Variants in HMCN1 observed in about 807,000 individuals in gnomAD.
The protein encoded by HMCN1 is hemicentin 1, also known as hemicentin-1.
HMCN1 carries 321 observed loss-of-function variants against 625.9 expected under a neutral mutation model. The observed-to-expected ratio is 0.51, with a 90% CI of 0.47 to 0.56. The LOEUF (loss-of-function observed/expected upper bound fraction) is 0.56, where lower values mean the gene tolerates loss of function less well. Ranked by LOEUF, HMCN1 falls within the 20% of genes least tolerant of loss-of-function variation. The pLI is 0.00. For synonymous variants in HMCN1, 2,425 were observed against 2,417.6 expected, an observed-to-expected ratio of 1.00 and a Z score of -0.09; for missense variants, 6,588 against 6,887.3, an observed-to-expected ratio of 0.96 and a Z score of 1.54.
rs776072646 is a variant in HMCN1, at chr1:186,117,595, G to T, written c.11820G>T (p.Arg3940Ser). The change falls in exon 77 of 107, where the codon AGG becomes AGT. Residue 3940 changes from arginine to serine, a missense_variant. By Grantham distance (110) the Arg-to-Ser change is moderately radical. This residue lies in a region of HMCN1 where 4,628 missense variants were observed against 4,853.1 expected (regional missense o/e 0.95). Coordinates refer to ENST00000271588, the MANE Select transcript of HMCN1 (RefSeq NM_031935.3). ...AAAATGGTATAAGACTGCTTCCCAG[G>T]GGAGATGGCTATAGAATTCTGTCCT... is the stretch of plus-strand genomic sequence containing the variant. The part of the protein sequence containing the change: ...WTKNGIRLLP[R>S]GDGYRILSSG... The T allele has an allele frequency of 1.2e-6, 2 of 1,613,658 alleles. No homozygotes were observed. Among genetic ancestry groups the T allele is most frequent in the Non-Finnish European group, 1.7e-6 (2 of 1,179,808 alleles).
At chr1:185,784,069 C>A (rs535553886) in intron 1 of HMCN1, among the ~76,000 whole-genome samples, 2 of 152,208 alleles carry the variant, frequency 1.3e-5, no homozygotes, top group Non-Finnish European at 2.9e-5. Context: ...CCCCTCCCCC[C>A]GCCTCGCTGC....
Position 185,988,616 on chromosome 1 carries a change from T to G in HMCN1, c.3049-872T>G, listed in dbSNP as rs1652167050. 1.3e-5 allele frequency among the ~76,000 whole-genome samples: 2 copies of G among 152,192 alleles called. 1 individual carries two copies. Among genetic ancestry groups the G allele is most frequent in the Admixed American group, 1.3e-4 (2 of 15,280 alleles). Reference sequence around the variant, plus strand: ...GCACTGAGTAGAAGTTTAATGCATTTTAAGGAAAATGTAAAAGTGAAATAT... The same window carrying G: ...GCACTGAGTAGAAGTTTAATGCATTGTAAGGAAAATGTAAAAGTGAAATAT... On this transcript the variant is annotated intron_variant, in intron 20 of 106. Coordinates refer to ENST00000271588, the MANE Select transcript of HMCN1 (RefSeq NM_031935.3).
intron 106 of HMCN1, among the ~76,000 whole-genome samples, chr1:186,188,517 T>C (rs1006055830): frequency 3.3e-5 from 5 of 152,214 alleles, no homozygotes; most frequent in African/African-American, 1.2e-4. Flanking sequence ...GAAACAGGCT[T>C]TTCTGCATTC....
chr1:185,824,739 G>C (rs115280935), intron 1 of HMCN1, among the ~76,000 whole-genome samples: 550 of 152,170 alleles, frequency 3.6e-3, no homozygotes, highest in African/African-American at 0.012. Context: ...AAGAAACTGA[G>C]GTTCAGAGAG....
chr1:185,838,647 C>T (rs1398655592), intron 1 of HMCN1, among the ~76,000 whole-genome samples: 1 of 151,882 alleles, frequency 6.6e-6, no homozygotes, highest in Non-Finnish European at 1.5e-5. Flanking sequence ...AAACACAAAT[C>T]CAAAAGAAAA....
intron 68 of HMCN1, among the ~76,000 whole-genome samples, chr1:186,097,815 A>T (rs928333818): frequency 2.6e-5 from 4 of 152,182 alleles, no homozygotes; most frequent in Non-Finnish European, 5.9e-5. Context: ...ACAAAGCTGT[A>T]TTAATCAAAA....
chr1:185,812,693 T>A (rs1390806190), intron 1 of HMCN1, among the ~76,000 whole-genome samples: 1 of 152,146 alleles, frequency 6.6e-6, no homozygotes, highest in Non-Finnish European at 1.5e-5. Context: ...TGAGAGAAAG[T>A]ATTAAAAATG....
At chr1:186,144,844 T>G in intron 91 of HMCN1, 141 bp downstream of exon 91, 2 of 986,718 alleles carry the variant, frequency 2.0e-6, no homozygotes, top group Non-Finnish European at 3.1e-6. Flanking sequence ...GTTGCTGTCA[T>G]GTCTGTATAA....
chr1:185,904,674 T>C (rs1665997807), intron 4 of HMCN1, among the ~76,000 whole-genome samples: 1 of 151,894 alleles, frequency 6.6e-6, no homozygotes, highest in South Asian at 2.1e-4. Context: ...GTATATCTTA[T>C]GAACTTTGGC....
intron 1 of HMCN1, among the ~76,000 whole-genome samples, chr1:185,784,196 T>C (rs544562572): frequency 6.6e-6 from 1 of 152,290 alleles, no homozygotes; most frequent in Non-Finnish European, 1.5e-5. Context: ...GCTAAGACCA[T>C]TGGAAAAGCG....
intron 2 of HMCN1, among the ~76,000 whole-genome samples, chr1:185,851,626 T>G (rs1023312688): frequency 4.6e-5 from 7 of 152,124 alleles, no homozygotes; most frequent in African/African-American, 1.7e-4. Flanking sequence ...CTTTGGAAAT[T>G]AATATCCTCG....
intron 1 of HMCN1, among the ~76,000 whole-genome samples, chr1:185,771,437 C>A (rs572013551): frequency 6.6e-6 from 1 of 152,274 alleles, no homozygotes; most frequent in South Asian, 2.1e-4. Flanking sequence ...GTAACAGACC[C>A]TCTAAAACAT....
intron 1 of HMCN1, among the ~76,000 whole-genome samples, chr1:185,797,450 T>C (rs926957653): frequency 6.6e-6 from 1 of 152,202 alleles, no homozygotes; most frequent in African/African-American, 2.4e-5. Context: ...GACAGGTGTG[T>C]GCTACCATAT....
chr1:185,964,226 A>G (rs1250780792), intron 13 of HMCN1, among the ~76,000 whole-genome samples: 1 of 152,100 alleles, frequency 6.6e-6, no homozygotes, highest in Non-Finnish European at 1.5e-5. Flanking sequence ...TTCTAGCTTA[A>G]CTTCCATTTT....
chr1:186,136,917 G>T lies in HMCN1; in HGVS notation c.13562G>T (p.Arg4521Ile). The change falls in exon 87 of 107, where the codon AGA becomes ATA. Residue 4521 changes from arginine to isoleucine, a missense_variant. By Grantham distance (97) the Arg-to-Ile change is moderately conservative. Around this residue, in one of 3 missense-constraint regions of HMCN1, gnomAD observed 1,954 missense variants for 2,013.1 expected, o/e 0.97. Coordinates refer to ENST00000271588, the MANE Select transcript of HMCN1 (RefSeq NM_031935.3). Reference sequence around the variant, plus strand: ...AACTTAATGGGTTCTGTCCTTGTCAGAGTGCCAGTCATAGTCCAGGGTGAG... The same window carrying T: ...AACTTAATGGGTTCTGTCCTTGTCATAGTGCCAGTCATAGTCCAGGGTGAG... Reference protein sequence around the residue: ...ARNLMGSVLVRVPVIVQVHGG... With the variant: ...ARNLMGSVLVIVPVIVQVHGG... 1.2e-6 allele frequency: 2 copies of T among 1,613,834 alleles called. No homozygotes were observed. The highest frequency in any genetic ancestry group is 1.7e-6 in the Non-Finnish European group (2 of 1,179,916).
At chr1:185,987,141 A>G (rs927222613) in intron 19 of HMCN1, among the ~76,000 whole-genome samples, 1 of 152,072 alleles carries the variant, frequency 6.6e-6, no homozygotes, top group Non-Finnish European at 1.5e-5. Flanking sequence ...AGCAAAAAAA[A>G]AAAAAGAATT....
Position 186,090,746 on chromosome 1 carries a change from A to G in HMCN1, c.9728-12A>G, listed in dbSNP as rs1200554928. 5 of 1,611,784 alleles carry G rather than the reference A, an allele frequency of 3.1e-6. No homozygotes were observed. Among genetic ancestry groups the G allele is most frequent in the Non-Finnish European group, 4.2e-6 (5 of 1,178,584 alleles). On this transcript the variant is annotated splice_polypyrimidine_tract_variant and intron_variant, in intron 63 of 106. Transcript: ENST00000271588. ...TGTCTTGTTAATGAAATTCCTAATTATTTCTCCAAAGTTCCTCCAAGTGTT... is the reference window on the plus strand; with the variant it reads ...TGTCTTGTTAATGAAATTCCTAATTGTTTCTCCAAAGTTCCTCCAAGTGTT...
chr1:186,113,070 T>C (rs1041806219), intron 72 of HMCN1, 117 bp downstream of exon 72: 10 of 1,202,670 alleles, frequency 8.3e-6, no homozygotes, highest in Admixed American at 2.0e-5. Context: ...CTTACTGCTT[T>C]TGAAAAAGGC....
At chr1:186,177,717 T>C (rs1652687876) in intron 103 of HMCN1, among the ~76,000 whole-genome samples, 1 of 152,168 alleles carries the variant, frequency 6.6e-6, no homozygotes, top group Non-Finnish European at 1.5e-5. Flanking sequence ...TGTCAACCAG[T>C]AGAAAAATCT....
Sources: gnomAD v4.1 joint callset for allele counts (sites outside exome capture counted in the v4.1 genomes callset) on GRCh38, gnomAD v4.1.1 for gene constraint, gnomAD v4.1.1 regional missense constraint, MANE v1.5 for transcripts, NCBI Gene and HGNC (gene_info 2026-07-23, HGNC 2026-07-21) for gene names.